TDRD10: variants seen among roughly 807,000 people sequenced by gnomAD.
TDRD10 encodes tudor domain containing 10, also known as tudor domain-containing protein 10.
TDRD10 carries 40 observed loss-of-function variants against 48.0 expected under a neutral mutation model. That is an observed-to-expected ratio of 0.83 (90% CI 0.65 to 1.09). TDRD10 has a LOEUF of 1.09. Among genes scored for constraint, TDRD10 ranks in the 50% least tolerant of loss-of-function variants. TDRD10 has a pLI of 0.00. For synonymous variants in TDRD10, 162 were observed against 170.4 expected (o/e 0.95, Z 0.38); for missense variants, 378 against 434.7 (o/e 0.87, Z 1.16).
At chr1:154,526,581 G>A (rs1694328254) in intron 6 of TDRD10, among the ~76,000 whole-genome samples, 1 of 151,850 alleles carries the variant, frequency 6.6e-6, no homozygotes, top group Admixed American at 6.6e-5. Context: ...TCAGTCTCTC[G>A]AGCAGCTGGG....
Position 154,544,528 on chromosome 1 carries a change from G to A in TDRD10, c.797+11G>A, listed in dbSNP as rs778050809. ...ACACGCCTGGAACAGGTGTGTGCCT[G>A]GGCAGGGGTAGAGTCTATGGGAGAG... On this transcript the variant is annotated intron_variant, in intron 10 of 12. Transcript: ENST00000368482. The A allele has an allele frequency of 1.2e-6, 2 of 1,612,860 alleles. No homozygotes were observed. Among genetic ancestry groups the A allele is most frequent in the South Asian group, 2.2e-5 (2 of 90,838 alleles).
intron 6 of TDRD10, among the ~76,000 whole-genome samples, chr1:154,524,954 C>T (rs906810689): frequency 6.6e-6 from 1 of 152,206 alleles, no homozygotes; most frequent in African/African-American, 2.4e-5. Flanking sequence ...CTCTCTGGTC[C>T]TCTGTCCCCA....
intron 4 of TDRD10, among the ~76,000 whole-genome samples, chr1:154,513,415 A>T (rs1403883417): frequency 6.6e-6 from 1 of 152,264 alleles, no homozygotes; most frequent in Non-Finnish European, 1.5e-5. Context: ...GAAGAACTCT[A>T]GCTCATAAAT....
intron 5 of TDRD10, 38 bp from the exon 6 acceptor site, chr1:154,521,285 A>G: frequency 1.2e-6 from 2 of 1,608,044 alleles, no homozygotes; most frequent in Non-Finnish European, 1.7e-6. Context: ...TTCTCTGGAG[A>G]TGTGCTCAAA....
At chr1:154,518,746 C>G (rs964018885) in intron 4 of TDRD10, among the ~76,000 whole-genome samples, 17 of 152,154 alleles carry the variant, frequency 1.1e-4, no homozygotes, top group African/African-American at 4.1e-4. Context: ...GTAAGTACTT[C>G]ATGCGTTGAA....
At chr1:154,542,375 G>A (rs186474802) in intron 7 of TDRD10, among the ~76,000 whole-genome samples, 113 of 152,284 alleles carry the variant, frequency 7.4e-4, no homozygotes, top group Middle Eastern at 6.8e-3. Flanking sequence ...CTATAGGTGT[G>A]CATCGCCATG....
At chr1:154,506,134 T>G (rs1161477706) in intron 1 of TDRD10, among the ~76,000 whole-genome samples, 1 of 152,142 alleles carries the variant, frequency 6.6e-6, no homozygotes, top group East Asian at 1.9e-4. Flanking sequence ...GCAAATATTA[T>G]CCCATAGCTC....
rs565407799 is a variant in TDRD10, at chr1:154,511,805, G to A, written c.141+3324G>A. 1.1e-3 allele frequency among the ~76,000 whole-genome samples: 165 copies of A among 152,088 alleles called. No individual in the cohort carries two copies. The Middle Eastern group carries it at 0.027, about 25-fold the overall frequency. On this transcript the variant is annotated intron_variant, in intron 4 of 12. Coordinates refer to ENST00000368482, the MANE Select transcript of TDRD10 (RefSeq NM_182499.4). ...GGAGGTTGCAATGAGCCGAGATTGC[G>A]CCATTGGACTCCAGCCTGGCAACAG... is the stretch of plus-strand genomic sequence containing the variant.
intron 1 of TDRD10, among the ~76,000 whole-genome samples, chr1:154,503,309 CG>C (rs1226929569): frequency 2.0e-5 from 3 of 152,158 alleles, no homozygotes; most frequent in Admixed American, 2.0e-4. Context: ...TTTCTGAGGC[CG>C]GGCGCGGTGG....
chr1:154,521,232 T>C lies in TDRD10; in HGVS notation c.213-91T>C, dbSNP rs1694035001. 4.7e-6 allele frequency: 6 copies of C among 1,288,340 alleles called. No individual in the cohort carries two copies. The South Asian group carries it at 8.1e-5, about 17-fold the overall frequency. 79.8% of individuals were successfully genotyped at this position (1,288,340 alleles called of 1,614,324 possible). On this transcript the variant is annotated intron_variant, in intron 5 of 12. Coordinates refer to ENST00000368482, the MANE Select transcript of TDRD10 (RefSeq NM_182499.4). ...CCATCACTGCAGAGAGAAAGGACAC[T>C]GGCCTTCCAGCTTGGGCTTGGTGCC... is the stretch of plus-strand genomic sequence containing the variant.
chr1:154,521,173 C>A, intron 5 of TDRD10, 150 bp from the exon 6 acceptor site: 1 of 754,100 alleles, frequency 1.3e-6, no homozygotes, highest in Non-Finnish European at 2.2e-6. Context: ...CAAGTCTGGA[C>A]ATACTTGTAG....
In TDRD10 at chr1:154,547,815, A is replaced by G. The variant is rs1695692029; in HGVS notation, c.*105A>G. 2 of 1,404,782 alleles carry G rather than the reference A, an allele frequency of 1.4e-6. No homozygotes were observed. Among genetic ancestry groups the G allele is most frequent in the South Asian group, 2.3e-5 (2 of 85,204 alleles). The allele number at this position is 1,404,782 out of a possible 1,614,324, so 87.0% of individuals were successfully genotyped here. On this transcript the variant is annotated 3_prime_UTR_variant, in exon 13 of 13. Transcript: ENST00000368482. ...CACTCTTGAGGCCTGGGAGGTGAAAAAGGCCAGACTGTGCCCAGGATTGAT... is the reference window on the plus strand; with the variant it reads ...CACTCTTGAGGCCTGGGAGGTGAAAGAGGCCAGACTGTGCCCAGGATTGAT...
chr1:154,506,264 G>A (rs1259770134), intron 1 of TDRD10, among the ~76,000 whole-genome samples: 2 of 152,116 alleles, frequency 1.3e-5, no homozygotes, highest in Admixed American at 6.5e-5. Context: ...AGCTTCTAGA[G>A]GCTGCCAGCA....
chr1:154,547,311 A>T, intron 11 of TDRD10, 98 bp from the exon 12 acceptor site: 1 of 1,309,476 alleles, frequency 7.6e-7, no homozygotes, highest in Non-Finnish European at 1.1e-6. Context: ...TGGCGGCCAG[A>T]GCACTTTCCC....
intron 6 of TDRD10, among the ~76,000 whole-genome samples, chr1:154,537,188 A>C (rs1415546362): frequency 6.6e-6 from 1 of 152,130 alleles, no homozygotes; most frequent in African/African-American, 2.4e-5. Context: ...TCCATGAGAC[A>C]GCACCCACCC....
At chr1:154,510,558 C>T (rs1035186601) in intron 4 of TDRD10, among the ~76,000 whole-genome samples, 1 of 151,880 alleles carries the variant, frequency 6.6e-6, no homozygotes, top group Admixed American at 6.6e-5. Flanking sequence ...TGCCACTGCA[C>T]TCCAGCCTGG....
At chr1:154,518,343 TAAG>T (rs1294837457) in intron 4 of TDRD10, among the ~76,000 whole-genome samples, 3 of 152,254 alleles carry the variant, frequency 2.0e-5, no homozygotes, top group Middle Eastern at 3.2e-3. Flanking sequence ...AAAATCCTAA[TAAG>T]TTACTTTTAT....
chr1:154,534,370 A>G (rs773769221), intron 6 of TDRD10, among the ~76,000 whole-genome samples: 6 of 152,274 alleles, frequency 3.9e-5, no homozygotes, highest in Non-Finnish European at 8.8e-5. Context: ...GGCAAGAGCT[A>G]GGAATAGGCA....
intron 6 of TDRD10, among the ~76,000 whole-genome samples, chr1:154,522,440 G>C (rs1237901291): frequency 1.3e-5 from 2 of 152,192 alleles, no homozygotes; most frequent in Non-Finnish European, 2.9e-5. Flanking sequence ...CAGTTAACAA[G>C]GTCAGCCACA....
Sources: gnomAD v4.1 joint callset for allele counts (sites outside exome capture counted in the v4.1 genomes callset) on GRCh38, gnomAD v4.1.1 for gene constraint, MANE v1.5 for transcripts, NCBI Gene and HGNC (gene_info 2026-07-23, HGNC 2026-07-21) for gene names.